The following DNAJB6 variants were observed in gnomAD, a reference collection of about 807,000 sequenced individuals.
DNAJB6 encodes the protein DnaJ heat shock protein family (Hsp40) member B6, also known as dnaJ homolog subfamily B member 6.
Under a neutral mutation model 42.7 loss-of-function variants are expected in DNAJB6, and 16 were observed. The observed-to-expected ratio is 0.37, with a 90% CI of 0.25 to 0.57. The LOEUF is 0.57. Ranked by LOEUF, DNAJB6 falls within the 20% of genes least tolerant of loss-of-function variation. The pLI is 0.74. For missense variants in DNAJB6, 347 were observed against 416.8 expected, an observed-to-expected ratio of 0.83 and a Z score of 1.46; for synonymous variants, 170 against 163.5, an observed-to-expected ratio of 1.04 and a Z score of -0.30.
At chr7:157,346,040 A>C (rs13227801) in intron 1 of DNAJB6, among the ~76,000 whole-genome samples, 1 of 32,564 alleles carries the variant, frequency 3.1e-5, no homozygotes, top group Non-Finnish European at 7.8e-5. Flanking sequence ...GAGGGCCCAC[A>C]TTTTTCTGGG....
chr7:157,404,567 G>A (rs958894704), intron 8 of DNAJB6, among the ~76,000 whole-genome samples: 1 of 145,964 alleles, frequency 6.9e-6, no homozygotes, highest in Non-Finnish European at 1.5e-5. Context: ...CTGGAGTGCA[G>A]TGGTGCAATC....
At chr7:157,412,466 G>A (rs1256249592) in intron 9 of DNAJB6, 3 of 152,258 alleles carry the variant, frequency 2.0e-5, no homozygotes, top group African/African-American at 4.8e-5. Flanking sequence ...CTTAGCTCCA[G>A]CCTGCTGGGT....
rs542294651 is a variant in DNAJB6 at position 157,350,491 on chromosome 7, G to A, written c.-26-8056G>A. Among the ~76,000 whole-genome samples the A allele has an allele frequency of 2.6e-5, 4 of 152,254 alleles. No individual in the cohort carries two copies. The South Asian group carries it at 8.3e-4, about 32-fold the overall frequency. On this transcript the variant is annotated intron_variant, in intron 1 of 9. Coordinates refer to ENST00000262177, the MANE Select transcript of DNAJB6 (RefSeq NM_058246.4). Reference sequence around the variant, plus strand: ...TTCCTGTAGTTAACTAAAATTCAGGGCTTGACTTTGGAGATAATGAGTTCC... The same window carrying A: ...TTCCTGTAGTTAACTAAAATTCAGGACTTGACTTTGGAGATAATGAGTTCC...
chr7:157,404,466 CTTTTTTTTTT>C (rs55793060), intron 8 of DNAJB6, among the ~76,000 whole-genome samples: 1 of 103,212 alleles, frequency 9.7e-6, no homozygotes, highest in East Asian at 2.8e-4. Flanking sequence ...TAATTTTTGT[CTTTTTTTTTT>C]TTTTTTTTTG....
chr7:157,370,106 C>T (rs1323391337), intron 5 of DNAJB6, among the ~76,000 whole-genome samples: 1 of 145,268 alleles, frequency 6.9e-6, no homozygotes, highest in Non-Finnish European at 1.5e-5. Context: ...TAAACAGGCC[C>T]CTTCTTAACA....
intron 5 of DNAJB6, among the ~76,000 whole-genome samples, chr7:157,375,626 CAG>C (rs765217673): frequency 1.1e-4 from 17 of 152,232 alleles, no homozygotes; most frequent in Non-Finnish European, 2.4e-4. Flanking sequence ...GCCCTGTTCT[CAG>C]GGCGTGCACT....
In DNAJB6 at chr7:157,370,322, G is replaced by A. The variant is rs192470850; in HGVS notation, c.346+2839G>A. Among the ~76,000 whole-genome samples, 1,046 of 149,588 alleles carry A rather than the reference G, an allele frequency of 7.0e-3. 14 individuals are homozygous for A. The highest frequency in any genetic ancestry group is 0.024 in the African/African-American group (970 of 40,456). Reference sequence around the variant, plus strand: ...CCCCTTCTTAACATTATTATTAAACGGGCCCCTTCTTAACATTATTATTAA... The same window carrying A: ...CCCCTTCTTAACATTATTATTAAACAGGCCCCTTCTTAACATTATTATTAA... On this transcript the variant is annotated intron_variant, in intron 5 of 9. Transcript: ENST00000262177.
At chr7:157,384,711 A>G (rs565309939) in intron 6 of DNAJB6, among the ~76,000 whole-genome samples, 156 bp from the exon 7 acceptor site, 6 of 152,366 alleles carry the variant, frequency 3.9e-5, no homozygotes, top group Admixed American at 3.9e-4. Context: ...TGGGCACCCC[A>G]GCACTTCAGC....
At chr7:157,351,661 C>CAACAA (rs1554453363) in intron 1 of DNAJB6, among the ~76,000 whole-genome samples, 1 of 36,386 alleles carries the variant, frequency 2.7e-5, no homozygotes, top group Non-Finnish European at 7.2e-5. Context: ...ACAACAACAA[C>CAACAA]AAAAAAAACC....
chr7:157,395,684 CTTTTTTT>C (rs869242320), intron 8 of DNAJB6, among the ~76,000 whole-genome samples: 4 of 131,878 alleles, frequency 3.0e-5, no homozygotes, highest in Non-Finnish European at 6.6e-5. Context: ...TTTTTCTTTT[CTTTTTTT>C]TTTTTTTTTT....
At chr7:157,390,762 T>C (rs1185809826) in intron 8 of DNAJB6, among the ~76,000 whole-genome samples, 1 of 152,194 alleles carries the variant, frequency 6.6e-6, no homozygotes, top group Non-Finnish European at 1.5e-5. Context: ...CAGGGTCTAA[T>C]TGATAATGGC....
Position 157,363,212 on chromosome 7 carries a change from A to G in DNAJB6, c.117A>G (p.Lys39=). The part of the protein sequence containing the change: ...KWHPDKNPEN[K]EEAERKFKQV... ...ATCCAGATAAAAATCCTGAGAATAA[A>G]GAAGAAGCAGAGAGAAAATTCAAGC... The change falls in exon 3 of 10, where the codon AAA becomes AAG. Residue 39 remains lysine, a synonymous_variant. Transcript: ENST00000262177. The G allele has an allele frequency of 6.2e-7, 1 of 1,612,016 alleles. No homozygotes were observed. Among genetic ancestry groups the G allele is most frequent in the Non-Finnish European group, 8.5e-7 (1 of 1,179,190 alleles).
At chr7:157,350,969 T>A (rs1179221003) in intron 1 of DNAJB6, among the ~76,000 whole-genome samples, 6 of 142,102 alleles carry the variant, frequency 4.2e-5, no homozygotes, top group Non-Finnish European at 9.2e-5. Flanking sequence ...AGTTTCGCTC[T>A]TGTTGGCCAG....
At chr7:157,347,512 T>G (rs1798748100) in intron 1 of DNAJB6, among the ~76,000 whole-genome samples, 1 of 152,208 alleles carries the variant, frequency 6.6e-6, no homozygotes, top group South Asian at 2.1e-4. Flanking sequence ...CGGCTCAGAC[T>G]TGGGTTTTGA....
At position 157,416,208 on chromosome 7, in the gene DNAJB6, C is replaced by T; in HGVS notation, c.*110C>T. On this transcript the variant is annotated 3_prime_UTR_variant, in exon 10 of 10. Coordinates refer to ENST00000262177, the MANE Select transcript of DNAJB6 (RefSeq NM_058246.4). ...AGCGTCGGTCAGGACTGTCTCGAGG[C>T]CACACTCGCTCGGCAGGATTATGCG... 1 of 1,492,306 alleles carries T rather than the reference C, an allele frequency of 6.7e-7. No individual in the cohort carries two copies. Among genetic ancestry groups the T allele is most frequent in the Non-Finnish European group, 9.1e-7 (1 of 1,101,322 alleles). 92.4% of individuals were successfully genotyped at this position (1,492,306 alleles called of 1,614,324 possible). A position where few individuals can be genotyped will look rare whatever the true frequency, so the allele number is the denominator to read the frequency against.
Position 157,365,234 on chromosome 7 carries a change from G to A in DNAJB6, c.176-1268G>A, listed in dbSNP as rs536290250. 3.9e-5 allele frequency among the ~76,000 whole-genome samples: 6 copies of A among 152,390 alleles called. No homozygotes were observed. In the South Asian group the frequency reaches 6.2e-4, roughly 16 times the overall value. On this transcript the variant is annotated intron_variant, in intron 3 of 9. Transcript: ENST00000262177. ...CACGCAAAGTGTTGGGATTATAGGC[G>A]TTAGCCACTGCATCCAGCCTATGAG... is the stretch of plus-strand genomic sequence containing the variant.
At chr7:157,373,450 A>G (rs541031410) in intron 5 of DNAJB6, among the ~76,000 whole-genome samples, 1 of 152,262 alleles carries the variant, frequency 6.6e-6, no homozygotes, top group Admixed American at 6.5e-5. Context: ...TCCCAGGTTC[A>G]AGTGATTCTC....
At chr7:157,389,226 C>T (rs1007392834) in intron 8 of DNAJB6, among the ~76,000 whole-genome samples, 2 of 152,150 alleles carry the variant, frequency 1.3e-5, no homozygotes, top group Non-Finnish European at 2.9e-5. Flanking sequence ...TGATTACCTT[C>T]TAGATATCAT....
In DNAJB6 at chr7:157,358,286, TGTTTA is replaced by T. The variant is rs566195721; in HGVS notation, c.-26-254_-26-250del. On this transcript the variant is annotated intron_variant, in intron 1 of 9. Transcript: ENST00000262177. ...GGAGTCTCTGCCTAGAGTCACCTGT[TGTTTA>T]GTTTAGGCTATTATTAGGCTATTTC... is the stretch of plus-strand genomic sequence containing the variant. 3.0e-3 allele frequency among the ~76,000 whole-genome samples: 454 copies of T among 152,316 alleles called. 1 individual carries two copies. The highest frequency in any genetic ancestry group is 5.1e-3 in the Non-Finnish European group (347 of 68,028).
Sources: allele counts gnomAD v4.1 joint callset (sites outside exome capture counted in the v4.1 genomes callset), GRCh38; gene constraint gnomAD v4.1.1; transcripts MANE v1.5; gene names NCBI Gene and HGNC (gene_info 2026-07-23, HGNC 2026-07-21).